Variants in LAMA4 observed in about 807,000 individuals in gnomAD.
LAMA4 encodes the protein laminin subunit alpha 4, also known as laminin subunit alpha-4.
Under a neutral mutation model 207.1 loss-of-function variants are expected in LAMA4, and 127 were observed. The observed-to-expected ratio is 0.61, with a 90% CI of 0.53 to 0.71. The LOEUF (loss-of-function observed/expected upper bound fraction) is 0.71, where lower values mean the gene tolerates loss of function less well. Ranked by LOEUF, LAMA4 falls within the 30% of genes least tolerant of loss-of-function variation. LAMA4 has a pLI of 0.00. For synonymous variants in LAMA4, 761 were observed against 816.0 expected (o/e 0.93, Z 1.15); for missense variants, 2,093 against 2,246.5 (o/e 0.93, Z 1.38).
intron 2 of LAMA4, among the ~76,000 whole-genome samples, chr6:112,245,363 C>T (rs1786834867): frequency 6.6e-6 from 1 of 152,142 alleles, no homozygotes; most frequent in African/African-American, 2.4e-5. Context: ...TTTCTCTTCC[C>T]TTTGGCTGGT....
At chr6:112,253,437 GCAGTTGTCTAA>G (rs1359095636) in intron 2 of LAMA4, 23 of 342,740 alleles carry the variant, frequency 6.7e-5, no homozygotes, top group Non-Finnish European at 1.2e-4. Flanking sequence ...TACCCTCTCA[GCAGTTGTCTAA>G]CAGCTCCTTT....
rs141117732 is a variant in LAMA4, at chr6:112,168,013, C to A, written c.1552-2737G>T. On this transcript the variant is annotated intron_variant, in intron 12 of 38. Transcript: ENST00000230538. ...ACAAGGTCAGGAGATGGAGACCATCCTGGTGAAACCCCATCTCTACTAAAA... is the reference window on the plus strand; with the variant it reads ...ACAAGGTCAGGAGATGGAGACCATCATGGTGAAACCCCATCTCTACTAAAA... 4.5e-3 allele frequency among the ~76,000 whole-genome samples: 680 copies of A among 152,040 alleles called. 5 individuals carry two copies. The highest frequency in any genetic ancestry group is 0.015 in the African/African-American group (606 of 41,472).
At chr6:112,202,916 G>T (rs1433127869) in intron 4 of LAMA4, among the ~76,000 whole-genome samples, 1 of 152,160 alleles carries the variant, frequency 6.6e-6, no homozygotes, top group Non-Finnish European at 1.5e-5. Flanking sequence ...TCCGCCTGTA[G>T]CTGGTGTCCT....
intron 5 of LAMA4, chr6:112,200,185 A>G (rs4947176): frequency 1.3e-5 from 7 of 532,440 alleles, no homozygotes; most frequent in African/African-American, 3.9e-5. Flanking sequence ...CCTTTCTTAC[A>G]TGAGCAAAGC....
In LAMA4 at chr6:112,129,033, A is replaced by G. The variant is rs782257541; in HGVS notation, c.4176T>C (p.Thr1392=). ...DVEVEDFQRY[T]EKVHTSLYEC... is the part of the protein sequence containing the mutation. Reference sequence around the variant, plus strand: ...CATAAAGAGAAGTGTGGACCTTTTCAGTATACCGTTGGAAATCTTCAACCT... The same window carrying G: ...CATAAAGAGAAGTGTGGACCTTTTCGGTATACCGTTGGAAATCTTCAACCT... The change falls in exon 31 of 39, where the codon ACT becomes ACC. Residue 1392 remains threonine, a synonymous_variant. Coordinates refer to ENST00000230538, the MANE Select transcript of LAMA4 (RefSeq NM_001105206.3). The G allele has an allele frequency of 1.2e-6, 2 of 1,612,910 alleles. No homozygotes were observed. Among genetic ancestry groups the G allele is most frequent in the South Asian group, 1.1e-5 (1 of 91,052 alleles).
At chr6:112,113,951 C>T in intron 38 of LAMA4, 125 bp downstream of exon 38, 1 of 1,095,348 alleles carries the variant, frequency 9.1e-7, no homozygotes, top group Non-Finnish European at 1.4e-6. Context: ...ATTTAAACAA[C>T]ACTGTATATA....
chr6:112,240,395 CACAA>C (rs1228510081), intron 2 of LAMA4, among the ~76,000 whole-genome samples: 1 of 152,094 alleles, frequency 6.6e-6, no homozygotes. Context: ...TCCTTTGAGT[CACAA>C]ACAATCCAAT....
At chr6:112,232,600 C>A (rs1210474731) in intron 2 of LAMA4, among the ~76,000 whole-genome samples, 1 of 152,140 alleles carries the variant, frequency 6.6e-6, no homozygotes, top group Non-Finnish European at 1.5e-5. Flanking sequence ...AATATACCAT[C>A]ATTTTGTAGC....
intron 9 of LAMA4, among the ~76,000 whole-genome samples, chr6:112,180,293 G>A (rs139467867): frequency 1.3e-5 from 2 of 152,284 alleles, no homozygotes; most frequent in African/African-American, 4.8e-5. Flanking sequence ...AACGCCAGAG[G>A]GCGCTAAGAT....
chr6:112,190,350 A>G (rs1455047236), intron 6 of LAMA4, among the ~76,000 whole-genome samples: 3 of 152,156 alleles, frequency 2.0e-5, no homozygotes, highest in African/African-American at 7.2e-5. Flanking sequence ...CTCTATGCAC[A>G]TTGCTTTTTT....
intron 3 of LAMA4, 59 bp from the exon 4 acceptor site, chr6:112,207,204 C>G: frequency 6.3e-7 from 1 of 1,583,486 alleles, no homozygotes; most frequent in East Asian, 2.2e-5. Context: ...AGAGACAGCA[C>G]ATCTAAGCAT....
Position 112,157,113 on chromosome 6 carries a change from C to T in LAMA4, c.1818-1407G>A, listed in dbSNP as rs554038508. Among the ~76,000 whole-genome samples, 49 of 152,270 alleles carry T rather than the reference C, an allele frequency of 3.2e-4. 1 individual carries two copies. The South Asian group carries it at 9.6e-3, about 30-fold the overall frequency. ...TACAGAGGGGAGTCTAATCTAAATACTCACTACCTGTTCCTCCCCACAACC... is the reference window on the plus strand; with the variant it reads ...TACAGAGGGGAGTCTAATCTAAATATTCACTACCTGTTCCTCCCCACAACC... On this transcript the variant is annotated intron_variant, in intron 14 of 38. Transcript: ENST00000230538.
At chr6:112,139,646 G>A in intron 23 of LAMA4, 106 bp downstream of exon 23, 1 of 1,362,008 alleles carries the variant, frequency 7.3e-7, no homozygotes, top group Non-Finnish European at 1.0e-6. Context: ...TTCAAAACTG[G>A]CTTCCCCAAA....
intron 26 of LAMA4, among the ~76,000 whole-genome samples, chr6:112,134,090 G>A (rs1779194934): frequency 6.6e-6 from 1 of 152,130 alleles, no homozygotes; most frequent in Non-Finnish European, 1.5e-5. Flanking sequence ...AAAAATTTGT[G>A]TAGCTCAGAT....
Position 112,125,333 on chromosome 6 carries a change from G to A in LAMA4, c.4288-3132C>T, listed in dbSNP as rs566403176. 1.2e-3 allele frequency among the ~76,000 whole-genome samples: 176 copies of A among 152,296 alleles called. 3 individuals are homozygous for A. The highest frequency in any genetic ancestry group is 8.1e-3 in the South Asian group (39 of 4,822). The stretch of plus-strand genomic sequence containing the variant: ...ATCTCTCTAGGTTTTAAGTTTCCAA[G>A]GAAGAGAATCTGATAGCCGAGCTTC... On this transcript the variant is annotated intron_variant, in intron 31 of 38. Transcript: ENST00000230538.
At chr6:112,206,396 T>C (rs192692240) in intron 4 of LAMA4, among the ~76,000 whole-genome samples, 79 of 152,362 alleles carry the variant, frequency 5.2e-4, no homozygotes, top group Admixed American at 8.5e-4. Context: ...TTAAATTCCA[T>C]ATTCTGTCAT....
chr6:112,252,997 T>C (rs1209633704), intron 2 of LAMA4, among the ~76,000 whole-genome samples: 2 of 152,228 alleles, frequency 1.3e-5, no homozygotes, highest in Non-Finnish European at 2.9e-5. Flanking sequence ...ATAATTGTAC[T>C]AACAATTAAC....
chr6:112,190,948 CT>C (rs1367568821), intron 6 of LAMA4, among the ~76,000 whole-genome samples: 1 of 18,326 alleles, frequency 5.5e-5, no homozygotes, highest in African/African-American at 4.0e-4. Context: ...TCTTTCTTTC[CT>C]TTCTTTCTTT....
In LAMA4 at chr6:112,197,335, G is replaced by T. The variant is rs543756699; in HGVS notation, c.503+4273C>A. 2.0e-5 allele frequency among the ~76,000 whole-genome samples: 3 copies of T among 152,268 alleles called. No individual in the cohort carries two copies. The East Asian group carries it at 5.8e-4, about 29-fold the overall frequency. On this transcript the variant is annotated intron_variant, in intron 5 of 38. Transcript: ENST00000230538. ...TTCATGGACCTAATTGTTAAGACAAGGCAGGTGGGCGTGTTTGAGCTGTTT... is the reference window on the plus strand; with the variant it reads ...TTCATGGACCTAATTGTTAAGACAATGCAGGTGGGCGTGTTTGAGCTGTTT...
Sources: allele counts gnomAD v4.1 joint callset (sites outside exome capture counted in the v4.1 genomes callset), GRCh38; gene constraint gnomAD v4.1.1; transcripts MANE v1.5; gene names NCBI Gene and HGNC (gene_info 2026-07-23, HGNC 2026-07-21).